CFDP1: variants seen among roughly 807,000 people sequenced by gnomAD.
The protein encoded by CFDP1 is chromatin remodeling protein CFDP1, also known as heterochromatin-stabilizing protein CFDP1.
CFDP1 carries 31 observed loss-of-function variants against 40.1 expected under a neutral mutation model. The ratio of observed to expected loss-of-function variants is 0.77; its 90% CI spans 0.58 to 1.04. CFDP1 has a LOEUF of 1.04. Ranked by LOEUF, CFDP1 falls within the 50% of genes least tolerant of loss-of-function variation. The pLI is 0.00. For synonymous variants in CFDP1, 167 were observed against 120.0 expected, an observed-to-expected ratio of 1.39 and a Z score of -2.56; for missense variants, 423 against 343.4, an observed-to-expected ratio of 1.23 and a Z score of -1.83.
intron 1 of CFDP1, among the ~76,000 whole-genome samples, chr16:75,432,222 T>G (rs1372911459): frequency 2.0e-5 from 3 of 149,474 alleles, no homozygotes; most frequent in Non-Finnish European, 4.5e-5. Context: ...GAATGGCTAG[T>G]TTTCAACGTG....
chr16:75,364,418 G>A (rs2078700170), intron 5 of CFDP1, among the ~76,000 whole-genome samples: 1 of 152,136 alleles, frequency 6.6e-6, no homozygotes, highest in African/African-American at 2.4e-5. Context: ...ACCCCAGAGA[G>A]ATGGGAGATT....
chr16:75,433,008 C>A (rs942331036), intron 1 of CFDP1, among the ~76,000 whole-genome samples: 1 of 152,208 alleles, frequency 6.6e-6, no homozygotes, highest in South Asian at 2.1e-4. Context: ...GACCGACGAG[C>A]GTCCCTAGCG....
intron 5 of CFDP1, among the ~76,000 whole-genome samples, chr16:75,310,043 ACATCCCAAATGT>A (rs2078285886): frequency 6.6e-6 from 1 of 152,198 alleles, no homozygotes; most frequent in Non-Finnish European, 1.5e-5. Context: ...CACCCAGATT[ACATCCCAAATGT>A]TACGCTGAGG....
intron 5 of CFDP1, among the ~76,000 whole-genome samples, chr16:75,364,040 G>C (rs891328178): frequency 6.6e-6 from 1 of 151,720 alleles, no homozygotes; most frequent in Non-Finnish European, 1.5e-5. Context: ...GTTCATACTA[G>C]TGGGAACCTA....
At chr16:75,386,165 G>A (rs1041213137) in intron 5 of CFDP1, among the ~76,000 whole-genome samples, 1 of 152,086 alleles carries the variant, frequency 6.6e-6, no homozygotes, top group African/African-American at 2.4e-5. Context: ...GATCCTGATA[G>A]ACATCTGGCT....
intron 5 of CFDP1, among the ~76,000 whole-genome samples, chr16:75,323,433 C>CTTT (rs398058379): frequency 7.0e-6 from 1 of 142,272 alleles, no homozygotes; most frequent in African/African-American, 2.6e-5. Context: ...TTTTACTTAA[C>CTTT]TTTTTTTTTT....
intron 5 of CFDP1, among the ~76,000 whole-genome samples, chr16:75,308,004 C>A (rs1251055586): frequency 6.6e-6 from 1 of 152,196 alleles, no homozygotes; most frequent in Non-Finnish European, 1.5e-5. Flanking sequence ...CTTATTTCAG[C>A]TGCAGCTGCA....
At chr16:75,400,235 T>C (rs1404730554) in intron 4 of CFDP1, among the ~76,000 whole-genome samples, 4 of 151,982 alleles carry the variant, frequency 2.6e-5, no homozygotes, top group South Asian at 4.1e-4. Context: ...TGAGCTATTA[T>C]CGTGGAACTA....
intron 5 of CFDP1, among the ~76,000 whole-genome samples, chr16:75,369,897 T>C (rs2078739685): frequency 6.6e-6 from 1 of 151,910 alleles, no homozygotes; most frequent in Non-Finnish European, 1.5e-5. Context: ...TGGCTGGAAC[T>C]ACAGGCCTGC....
intron 5 of CFDP1, among the ~76,000 whole-genome samples, chr16:75,372,985 T>C (rs1046553532): frequency 6.6e-6 from 1 of 152,188 alleles, no homozygotes; most frequent in East Asian, 1.9e-4. Context: ...CTTGTTGTTT[T>C]AAAGGAGTTC....
chr16:75,337,264 C>A (rs1204590439), intron 5 of CFDP1, among the ~76,000 whole-genome samples: 1 of 152,210 alleles, frequency 6.6e-6, no homozygotes, highest in Non-Finnish European at 1.5e-5. Context: ...CGAGGCCCGG[C>A]ACAAAGGTGG....
intron 5 of CFDP1, among the ~76,000 whole-genome samples, chr16:75,383,892 T>G (rs970670629): frequency 6.6e-6 from 1 of 151,998 alleles, no homozygotes. Flanking sequence ...AAATCTAGAT[T>G]TTTTTACCTG....
At chr16:75,401,283 C>T (rs148048333) in intron 4 of CFDP1, among the ~76,000 whole-genome samples, 1,876 of 152,102 alleles carry the variant, frequency 0.012, 33 homozygotes, top group African/African-American at 0.043. Flanking sequence ...AAAATATTAG[C>T]CAGGCTTGGT....
At chr16:75,336,811 A>G (rs2078490859) in intron 5 of CFDP1, among the ~76,000 whole-genome samples, 1 of 152,256 alleles carries the variant, frequency 6.6e-6, no homozygotes, top group Non-Finnish European at 1.5e-5. Flanking sequence ...TTCTACCAAT[A>G]TGGTGAAAAA....
chr16:75,318,150 A>G (rs1214442204), intron 5 of CFDP1, among the ~76,000 whole-genome samples: 1 of 152,014 alleles, frequency 6.6e-6, no homozygotes, highest in African/African-American at 2.4e-5. Context: ...CAAAAAAAAG[A>G]AAAAGGTCAA....
At chr16:75,351,746 G>A (rs1392133885) in intron 5 of CFDP1, among the ~76,000 whole-genome samples, 2 of 152,022 alleles carry the variant, frequency 1.3e-5, no homozygotes, top group African/African-American at 4.8e-5. Flanking sequence ...GGTGGCTCAC[G>A]CCTGTAATTC....
At chr16:75,423,923 T>C (rs1242588599) in intron 1 of CFDP1, among the ~76,000 whole-genome samples, 3 of 152,190 alleles carry the variant, frequency 2.0e-5, no homozygotes, top group Non-Finnish European at 4.4e-5. Context: ...AAACCACAGA[T>C]ACAGAAGGCT....
intron 1 of CFDP1, among the ~76,000 whole-genome samples, chr16:75,427,206 T>C (rs1330012252): frequency 6.6e-6 from 1 of 151,946 alleles, no homozygotes; most frequent in Non-Finnish European, 1.5e-5. Context: ...GAAAAGAGCA[T>C]CAACATCCTT....
chr16:75,334,308 AAAC>A (rs1368884023), intron 5 of CFDP1, among the ~76,000 whole-genome samples: 1 of 151,866 alleles, frequency 6.6e-6, no homozygotes, highest in Non-Finnish European at 1.5e-5. Flanking sequence ...AAACCCTTTA[AAAC>A]AACAGACGGG....
Sources: allele counts gnomAD v4.1 joint callset (sites outside exome capture counted in the v4.1 genomes callset), GRCh38; gene constraint gnomAD v4.1.1; transcripts MANE v1.5; gene names NCBI Gene and HGNC (gene_info 2026-07-23, HGNC 2026-07-21).